The following PLEKHM3 variants were observed in gnomAD, a reference collection of about 807,000 sequenced individuals.
PLEKHM3 encodes the protein pleckstrin homology domain-containing family M member 3.
Under a neutral mutation model 81.8 loss-of-function variants are expected in PLEKHM3, and 45 were observed. The observed-to-expected ratio is 0.55, with a 90% CI of 0.43 to 0.71. The LOEUF is 0.71. Ranked by LOEUF, PLEKHM3 falls within the 30% of genes least tolerant of loss-of-function variation. The pLI is 0.00. For synonymous variants in PLEKHM3, 352 were observed against 356.4 expected, an observed-to-expected ratio of 0.99 and a Z score of 0.14; for missense variants, 788 against 924.3, an observed-to-expected ratio of 0.85 and a Z score of 1.91.
intron 6 of PLEKHM3, among the ~76,000 whole-genome samples, chr2:207,886,853 T>C (rs1687900632): frequency 6.6e-6 from 1 of 152,220 alleles, no homozygotes; most frequent in African/African-American, 2.4e-5. Flanking sequence ...GGAATCCTCA[T>C]ATAATAATTA....
At chr2:208,010,065 C>T (rs1692639266) in intron 1 of PLEKHM3, among the ~76,000 whole-genome samples, 2 of 152,208 alleles carry the variant, frequency 1.3e-5, no homozygotes, top group African/African-American at 4.8e-5. Context: ...TGAACCACTA[C>T]ACTATCAGCA....
In PLEKHM3 at chr2:207,964,467, T is replaced by C. The variant is rs368048549; in HGVS notation, c.1546+12184A>G. On this transcript the variant is annotated intron_variant, in intron 3 of 7. Transcript: ENST00000427836. ...CTCACAAAAGTAAAACGCAAAGTCA[T>C]AGGCCCATGACAGGATTCCATGAGA... 8.5e-5 allele frequency among the ~76,000 whole-genome samples: 13 copies of C among 152,178 alleles called. No homozygotes were observed. In the South Asian group the frequency reaches 1.7e-3, roughly 19 times the overall value.
At chr2:207,906,460 T>C (rs1688613458) in intron 6 of PLEKHM3, among the ~76,000 whole-genome samples, 2 of 152,176 alleles carry the variant, frequency 1.3e-5, no homozygotes, top group African/African-American at 2.4e-5. Flanking sequence ...CTTCTCCAAC[T>C]AAATGCTCTA....
chr2:207,971,864 GA>G (rs1691133086), intron 3 of PLEKHM3, among the ~76,000 whole-genome samples: 1 of 152,194 alleles, frequency 6.6e-6, no homozygotes, highest in Non-Finnish European at 1.5e-5. Flanking sequence ...CTCTGCTCAA[GA>G]ACCTTCTGTG....
At chr2:207,957,271 T>C (rs975489813) in intron 3 of PLEKHM3, among the ~76,000 whole-genome samples, 2 of 152,236 alleles carry the variant, frequency 1.3e-5, no homozygotes, top group African/African-American at 4.8e-5. Flanking sequence ...TCAGTTTGAA[T>C]TGTATATTCT....
At position 207,827,439 on chromosome 2, in the gene PLEKHM3, G is replaced by A. The variant is rs913048037; in HGVS notation, c.*880C>T. 15 of 151,920 alleles carry A rather than the reference G, an allele frequency of 9.9e-5. No individual in the cohort carries two copies. The highest frequency in any genetic ancestry group is 2.6e-4 in the Admixed American group (4 of 15,220). 9.4% of individuals were successfully genotyped at this position (151,920 alleles called of 1,614,324 possible). On this transcript the variant is annotated 3_prime_UTR_variant, in exon 8 of 8. Transcript: ENST00000427836. ...ACAACCACCCCAGGACATTTCCTCC[G>A]GCCAGCATCATGAAAAAAATCATAA...
At chr2:207,867,130 C>T (rs535337737) in intron 6 of PLEKHM3, among the ~76,000 whole-genome samples, 1 of 152,170 alleles carries the variant, frequency 6.6e-6, no homozygotes, top group Non-Finnish European at 1.5e-5. Flanking sequence ...TGTCTTTACC[C>T]CTGGCTGTCA....
chr2:207,851,517 C>G (rs936923640), intron 7 of PLEKHM3: 1 of 152,126 alleles, frequency 6.6e-6, no homozygotes, highest in African/African-American at 2.4e-5. Context: ...GGGGGAGGAT[C>G]ACCTGAGGTT....
intron 6 of PLEKHM3, among the ~76,000 whole-genome samples, chr2:207,862,200 C>A (rs2092471082): frequency 6.6e-6 from 1 of 152,234 alleles, no homozygotes; most frequent in Admixed American, 6.5e-5. Context: ...TTGCTTCTCT[C>A]TAATTAATGC....
intron 5 of PLEKHM3, among the ~76,000 whole-genome samples, chr2:207,923,851 G>GCATGCA (rs1689270289): frequency 2.7e-5 from 1 of 36,804 alleles, no homozygotes; most frequent in Non-Finnish European, 5.8e-5. Flanking sequence ...ACATACACAC[G>GCATGCA]CACGCACACA....
At chr2:207,907,026 G>C (rs926185167) in intron 6 of PLEKHM3, among the ~76,000 whole-genome samples, 2 of 152,100 alleles carry the variant, frequency 1.3e-5, no homozygotes, top group African/African-American at 4.8e-5. Context: ...TACTCTGAAA[G>C]TTGTCACAAT....
At chr2:207,872,869 A>C (rs1243908834) in intron 6 of PLEKHM3, among the ~76,000 whole-genome samples, 1 of 152,202 alleles carries the variant, frequency 6.6e-6, no homozygotes, top group Non-Finnish European at 1.5e-5. Context: ...CTATTTGCCA[A>C]AACTAGAGAA....
chr2:207,929,383 G>C (rs760997830), intron 5 of PLEKHM3, among the ~76,000 whole-genome samples: 1 of 152,138 alleles, frequency 6.6e-6, no homozygotes, highest in Non-Finnish European at 1.5e-5. Context: ...ATTTTAAGCA[G>C]AGCAAAACAT....
chr2:207,913,687 G>A (rs1203184295), intron 5 of PLEKHM3, among the ~76,000 whole-genome samples: 1 of 151,764 alleles, frequency 6.6e-6, no homozygotes, highest in Non-Finnish European at 1.5e-5. Flanking sequence ...AGGGAAATTG[G>A]GCCACAGCTA....
At chr2:208,020,874 A>G (rs1559287622) in intron 1 of PLEKHM3, among the ~76,000 whole-genome samples, 1 of 152,168 alleles carries the variant, frequency 6.6e-6, no homozygotes, top group Non-Finnish European at 1.5e-5. Flanking sequence ...GGATAGGGTG[A>G]CAATGGGAAA....
intron 7 of PLEKHM3, among the ~76,000 whole-genome samples, chr2:207,858,174 G>GTGTGTATATATATATA (rs373920637): frequency 1.2e-4 from 15 of 123,300 alleles, no homozygotes; most frequent in African/African-American, 5.3e-4. Context: ...GTGTGTGTGT[G>GTGTGTATATATATATA]TATATATTTT....
intron 5 of PLEKHM3, among the ~76,000 whole-genome samples, chr2:207,918,779 C>A (rs114101794): frequency 6.6e-6 from 1 of 152,150 alleles, no homozygotes; most frequent in East Asian, 1.9e-4. Context: ...TTAGCCCCCA[C>A]TATATGTATA....
chr2:208,000,989 A>G (rs1273596756), intron 2 of PLEKHM3, 41 bp downstream of exon 2: 33 of 345,064 alleles, frequency 9.6e-5, no homozygotes, highest in Non-Finnish European at 1.3e-4. Context: ...CCCCAAAAAG[A>G]AAAAAAAAAA....
At chr2:207,860,089 T>C (rs1194738347) in intron 7 of PLEKHM3, among the ~76,000 whole-genome samples, 1 of 151,334 alleles carries the variant, frequency 6.6e-6, no homozygotes, top group Non-Finnish European at 1.5e-5. Context: ...AGCTAATCTC[T>C]GGGCTATATA....
Sources: gnomAD v4.1 joint callset for allele counts (sites outside exome capture counted in the v4.1 genomes callset) on GRCh38, gnomAD v4.1.1 for gene constraint, MANE v1.5 for transcripts, NCBI Gene and HGNC (gene_info 2026-07-23, HGNC 2026-07-21) for gene names.